The following RNF111 variants were observed in gnomAD, a reference collection of about 807,000 sequenced individuals.
The protein encoded by RNF111 is E3 ubiquitin-protein ligase Arkadia.
A neutral mutation model predicts 95.1 loss-of-function variants in RNF111; 17 were observed. The observed-to-expected ratio is 0.18, with a 90% CI of 0.12 to 0.27. The LOEUF is 0.27. RNF111 is among the 10% of genes least tolerant of loss of function. RNF111 has a pLI of 1.00. For missense variants in RNF111, 1,189 were observed against 1,210.4 expected (o/e 0.98, Z 0.26); for synonymous variants, 440 against 414.8 (o/e 1.06, Z -0.74).
At chr15:59,090,261 G>T (rs2140237454) in intron 11 of RNF111, among the ~76,000 whole-genome samples, 1 of 152,108 alleles carries the variant, frequency 6.6e-6, no homozygotes, top group African/African-American at 2.4e-5. Flanking sequence ...ATGGAGTCTT[G>T]CTCTGTCACC....
chr15:59,029,947 C>T (rs1454361179), intron 1 of RNF111, among the ~76,000 whole-genome samples: 1 of 152,170 alleles, frequency 6.6e-6, no homozygotes, highest in East Asian at 1.9e-4. Context: ...CTTCATTTGT[C>T]ACATTTACTG....
intron 7 of RNF111, among the ~76,000 whole-genome samples, 186 bp downstream of exon 7, chr15:59,076,401 A>G (rs2078564209): frequency 6.6e-6 from 1 of 152,216 alleles, no homozygotes; most frequent in Non-Finnish European, 1.5e-5. Context: ...GTTTTAAGGA[A>G]TTTAGATTTG....
chr15:59,073,899 G>C (rs1324491221), intron 6 of RNF111, among the ~76,000 whole-genome samples: 1 of 152,104 alleles, frequency 6.6e-6, no homozygotes, highest in Non-Finnish European at 1.5e-5. Flanking sequence ...TTGATTCATA[G>C]TCTGCAGACT....
chr15:59,046,288 G>A (rs1417527518), intron 2 of RNF111, among the ~76,000 whole-genome samples: 2 of 151,730 alleles, frequency 1.3e-5, no homozygotes, highest in Non-Finnish European at 2.9e-5. Context: ...CAGCCTCCAG[G>A]GCTAAGGTGA....
chr15:59,066,702 T>G, intron 5 of RNF111, 62 bp from the exon 6 acceptor site: 2 of 1,296,430 alleles, frequency 1.5e-6, no homozygotes, highest in South Asian at 2.6e-5. Context: ...ACCCCATACC[T>G]ATTTTTTTAC....
chr15:59,081,296 G>T lies in RNF111; in HGVS notation c.2297+12G>T. 6.2e-7 allele frequency: 1 copy of T among 1,606,174 alleles called. No homozygotes were observed. The highest frequency in any genetic ancestry group is 2.2e-5 in the East Asian group (1 of 44,748). On this transcript the variant is annotated intron_variant, in intron 8 of 13. Transcript: ENST00000348370. Reference sequence around the variant, plus strand: ...ATGCAGCATCCAACGTATGTTTTACGTTTTTAAAAAGAAAGTCAAGTTTGC... The same window carrying T: ...ATGCAGCATCCAACGTATGTTTTACTTTTTTAAAAAGAAAGTCAAGTTTGC...
At chr15:59,011,751 T>G (rs1204744016) in intron 1 of RNF111, among the ~76,000 whole-genome samples, 8 of 152,188 alleles carry the variant, frequency 5.3e-5, no homozygotes, top group African/African-American at 7.2e-5. Flanking sequence ...TAACATTAAT[T>G]ACCTCTTTAA....
intron 2 of RNF111, among the ~76,000 whole-genome samples, chr15:59,037,705 G>A (rs988023969): frequency 1.7e-4 from 26 of 152,146 alleles, no homozygotes; most frequent in Admixed American, 3.3e-4. Context: ...GCGTGGTGGC[G>A]CATGCCTGTA....
At position 59,055,796 on chromosome 15, in the gene RNF111, C is replaced by T. The variant is rs2042179108; in HGVS notation, c.1122C>T (p.Pro374=). 1 of 1,613,898 alleles carries T rather than the reference C, an allele frequency of 6.2e-7. No individual in the cohort carries two copies. The highest frequency in any genetic ancestry group is 2.2e-5 in the East Asian group (1 of 44,866). Residue 374 remains proline (P), a synonymous_variant, in exon 4 of 14, where the codon CCC becomes CCT. Transcript: ENST00000348370. The part of the protein sequence containing the change: ...NRSRISTVIQ[P]LRQNAAEVVD... Reference sequence around the variant, plus strand: ...GTAGGATTTCTACTGTTATACAGCCCTTGAGGCAGAATGCAGCAGAAGTTG... The same window carrying T: ...GTAGGATTTCTACTGTTATACAGCCTTTGAGGCAGAATGCAGCAGAAGTTG...
rs1354287469 is a variant in RNF111 at position 59,096,483 on chromosome 15, G to T, written c.*1583G>T. 6.3e-6 allele frequency: 1 copy of T among 159,684 alleles called. No homozygotes were observed. Among genetic ancestry groups the T allele is most frequent in the Non-Finnish European group, 1.4e-5 (1 of 73,078 alleles). The allele number at this position is 159,684 out of a possible 1,614,324, so 9.9% of individuals were successfully genotyped here. On this transcript the variant is annotated 3_prime_UTR_variant, in exon 14 of 14. Transcript: ENST00000348370. ...AAAACAGTTTACATTAAACATCTTGGAATTCAACAATAGTGATCTCACTCA... is the reference window on the plus strand; with the variant it reads ...AAAACAGTTTACATTAAACATCTTGTAATTCAACAATAGTGATCTCACTCA...
chr15:59,000,069 T>A (rs1421442266), intron 1 of RNF111, among the ~76,000 whole-genome samples: 1 of 152,068 alleles, frequency 6.6e-6, no homozygotes, highest in Non-Finnish European at 1.5e-5. Flanking sequence ...GAGATTTGGT[T>A]GAGGACACAG....
chr15:59,052,545 A>G, intron 3 of RNF111, 114 bp downstream of exon 3: 1 of 578,856 alleles, frequency 1.7e-6, no homozygotes, highest in Non-Finnish European at 2.6e-6. Flanking sequence ...ACCCAGTTTG[A>G]GTATGCATAT....
intron 1 of RNF111, among the ~76,000 whole-genome samples, chr15:59,011,464 T>C (rs2039808863): frequency 6.6e-6 from 1 of 152,246 alleles, no homozygotes; most frequent in African/African-American, 2.4e-5. Flanking sequence ...TTAGTTTGCT[T>C]GGGCTGCGGT....
chr15:59,080,915 C>A, intron 7 of RNF111, 21 bp from the exon 8 acceptor site: 6 of 1,583,312 alleles, frequency 3.8e-6, no homozygotes, highest in Admixed American at 1.7e-5. Context: ...ATGTAACATA[C>A]TCAAAATATT....
At chr15:59,041,344 A>G (rs571511693) in intron 2 of RNF111, among the ~76,000 whole-genome samples, 30 of 152,206 alleles carry the variant, frequency 2.0e-4, no homozygotes, top group Non-Finnish European at 3.7e-4. Flanking sequence ...TCATGAGGTC[A>G]GGAATTCAAG....
chr15:59,072,988 A>C (rs1295055313), intron 6 of RNF111, among the ~76,000 whole-genome samples: 1 of 152,014 alleles, frequency 6.6e-6, no homozygotes, highest in African/African-American at 2.4e-5. Flanking sequence ...TCTGGGCAAC[A>C]TGGCAAGACT....
intron 2 of RNF111, among the ~76,000 whole-genome samples, chr15:59,034,508 CTT>C (rs1567231884): frequency 6.6e-6 from 1 of 152,156 alleles, no homozygotes; most frequent in African/African-American, 2.4e-5. Context: ...TTCCAGTACT[CTT>C]ATGAGATGGA....
chr15:59,041,933 T>G lies in RNF111; in HGVS notation c.880+10231T>G, dbSNP rs2041472039. On this transcript the variant is annotated intron_variant, in intron 2 of 13. Transcript: ENST00000348370. ...TTTTAAAAACTTTAGGTCATTTTCA[T>G]TTCTTTTCCTGTGATCAGTCTGTTC... is the stretch of plus-strand genomic sequence containing the variant. 1.3e-5 allele frequency among the ~76,000 whole-genome samples: 2 copies of G among 151,832 alleles called. 1 individual carries two copies. The highest frequency in any genetic ancestry group is 2.9e-5 in the Non-Finnish European group (2 of 67,998).
chr15:59,023,909 T>C (rs141050134), intron 1 of RNF111, among the ~76,000 whole-genome samples: 68 of 152,334 alleles, frequency 4.5e-4, no homozygotes, highest in African/African-American at 1.5e-3. Flanking sequence ...TGAAGAGTGA[T>C]CTTAATAGAC....
Sources: allele counts gnomAD v4.1 joint callset (sites outside exome capture counted in the v4.1 genomes callset), GRCh38; gene constraint gnomAD v4.1.1; transcripts MANE v1.5; gene names NCBI Gene and HGNC (gene_info 2026-07-23, HGNC 2026-07-21).